The following GXYLT2 variants were observed in gnomAD, a reference collection of about 807,000 sequenced individuals.
GXYLT2 encodes the protein glycosyltransferase 8 domain containing 4.
In GXYLT2, 53 loss-of-function variants were observed where a neutral mutation model predicts 45.8. The ratio of observed to expected loss-of-function variants is 1.16; its 90% CI spans 0.93 to 1.46. The LOEUF (loss-of-function observed/expected upper bound fraction) is 1.46. Among genes scored for constraint, GXYLT2 ranks in the 40% most tolerant of loss-of-function variants. The pLI, the probability that GXYLT2 is intolerant of heterozygous loss-of-function variation, is 0.00. For missense variants in GXYLT2, 551 were observed against 544.4 expected (o/e 1.01, Z -0.12); for synonymous variants, 219 against 214.2 (o/e 1.02, Z -0.19).
intron 3 of GXYLT2, among the ~76,000 whole-genome samples, chr3:72,935,689 A>G (rs1259576027): frequency 6.6e-6 from 1 of 152,264 alleles, no homozygotes; most frequent in Non-Finnish European, 1.5e-5. Flanking sequence ...CAAAGTGCCA[A>G]AATATTGGAG....
intron 5 of GXYLT2, among the ~76,000 whole-genome samples, chr3:72,960,745 C>A (rs200069987): frequency 6.8e-6 from 1 of 146,990 alleles, no homozygotes; most frequent in Non-Finnish European, 1.5e-5. Flanking sequence ...TGTAAGGTTT[C>A]TCTTCATGTA....
intron 2 of GXYLT2, among the ~76,000 whole-genome samples, chr3:72,914,403 C>CTACT (rs1259408449): frequency 6.6e-6 from 1 of 152,050 alleles, no homozygotes; most frequent in Non-Finnish European, 1.5e-5. Flanking sequence ...CTAAACTGTG[C>CTACT]TACTGCCCAA....
At chr3:72,966,987 T>G (rs1251942844) in intron 5 of GXYLT2, among the ~76,000 whole-genome samples, 2 of 152,164 alleles carry the variant, frequency 1.3e-5, no homozygotes, top group African/African-American at 4.8e-5. Context: ...CAAGCTGTTC[T>G]CAAACTCCTG....
chr3:72,936,673 A>G (rs1710188388), intron 3 of GXYLT2, among the ~76,000 whole-genome samples: 1 of 152,178 alleles, frequency 6.6e-6, no homozygotes, highest in Non-Finnish European at 1.5e-5. Flanking sequence ...CAACAAAAAA[A>G]AACCGAAACA....
chr3:72,973,209 G>T (rs1472627237), intron 6 of GXYLT2, among the ~76,000 whole-genome samples: 1 of 152,196 alleles, frequency 6.6e-6, no homozygotes, highest in Non-Finnish European at 1.5e-5. Context: ...TCTACCAGCT[G>T]GGGGAGGGGC....
At chr3:72,938,554 T>C (rs1337722670) in intron 3 of GXYLT2, among the ~76,000 whole-genome samples, 2 of 152,252 alleles carry the variant, frequency 1.3e-5, no homozygotes, top group Non-Finnish European at 2.9e-5. Flanking sequence ...TAGACTCTGC[T>C]TTAAATGACA....
intron 3 of GXYLT2, among the ~76,000 whole-genome samples, chr3:72,926,608 T>C (rs1245629449): frequency 6.6e-6 from 1 of 152,164 alleles, no homozygotes; most frequent in Non-Finnish European, 1.5e-5. Context: ...ACATCACCTT[T>C]CCCCCAATTA....
intron 3 of GXYLT2, among the ~76,000 whole-genome samples, chr3:72,949,460 C>T (rs1443597345): frequency 6.7e-6 from 1 of 150,222 alleles, no homozygotes; most frequent in African/African-American, 2.5e-5. Flanking sequence ...CCCATTAAAG[C>T]TCCTGTGAAC....
chr3:72,937,933 C>A (rs1025342641), intron 3 of GXYLT2, among the ~76,000 whole-genome samples: 2 of 151,952 alleles, frequency 1.3e-5, no homozygotes, highest in African/African-American at 4.8e-5. Context: ...TTTCGCTTTT[C>A]TCAGGAGCAT....
At position 72,901,653 on chromosome 3, in the gene GXYLT2, T is replaced by A. The variant is rs1195610181; in HGVS notation, c.276-6714T>A. ...TCAGCTCACTGCAAGCTCCGCCTCC[T>A]GGGTTCAAGCAATTCTCCTGCCTCA... is the stretch of plus-strand genomic sequence containing the variant. On this transcript the variant is annotated intron_variant, in intron 1 of 6. Transcript: ENST00000389617. Among the ~76,000 whole-genome samples, 3 of 136,540 alleles carry A rather than the reference T, an allele frequency of 2.2e-5. No homozygotes were observed. The East Asian group carries it at 7.4e-4, about 34-fold the overall frequency. The allele number at this position is 136,540 out of a possible 152,430, so 89.6% of individuals were successfully genotyped here.
intron 1 of GXYLT2, among the ~76,000 whole-genome samples, chr3:72,897,492 A>G (rs991810333): frequency 6.6e-6 from 1 of 152,200 alleles, no homozygotes; most frequent in Non-Finnish European, 1.5e-5. Flanking sequence ...CCAATCACCG[A>G]TGGCTACAAG....
intron 1 of GXYLT2, among the ~76,000 whole-genome samples, chr3:72,891,433 C>T (rs753042595): frequency 1.3e-5 from 2 of 152,164 alleles, no homozygotes; most frequent in Admixed American, 1.3e-4. Flanking sequence ...GGATTTGCCT[C>T]GTTAGTAGGC....
At chr3:72,902,219 C>A (rs577463683) in intron 1 of GXYLT2, among the ~76,000 whole-genome samples, 1 of 152,268 alleles carries the variant, frequency 6.6e-6, no homozygotes, top group Non-Finnish European at 1.5e-5. Flanking sequence ...ACTTCTGGGT[C>A]ATATGGTACC....
intron 3 of GXYLT2, among the ~76,000 whole-genome samples, chr3:72,940,685 T>G (rs991639771): frequency 6.6e-6 from 1 of 152,228 alleles, no homozygotes; most frequent in Non-Finnish European, 1.5e-5. Flanking sequence ...GTGTTTTGTT[T>G]GTTTGTTTGT....
At chr3:72,964,034 T>C (rs1710815660) in intron 5 of GXYLT2, among the ~76,000 whole-genome samples, 1 of 152,134 alleles carries the variant, frequency 6.6e-6, no homozygotes, top group Non-Finnish European at 1.5e-5. Flanking sequence ...GGTCTCAAAC[T>C]CCTGAGCTAA....
chr3:72,929,079 A>G, intron 3 of GXYLT2: 1 of 1,589,122 alleles, frequency 6.3e-7, no homozygotes, highest in African/African-American at 1.3e-5. Flanking sequence ...CGCCAGAGCT[A>G]CCACCAGGAC....
intron 3 of GXYLT2, among the ~76,000 whole-genome samples, chr3:72,934,565 A>C (rs1260680742): frequency 1.3e-5 from 2 of 152,164 alleles, no homozygotes; most frequent in African/African-American, 2.4e-5. Context: ...ATGTCTGGAG[A>C]TGGCAATGAA....
At chr3:72,954,925 C>T (rs1710605160) in intron 3 of GXYLT2, among the ~76,000 whole-genome samples, 173 bp from the exon 4 acceptor site, 1 of 152,154 alleles carries the variant, frequency 6.6e-6, no homozygotes, top group South Asian at 2.1e-4. Flanking sequence ...TTCCTCAAGT[C>T]AAAGGAGAAG....
intron 1 of GXYLT2, among the ~76,000 whole-genome samples, chr3:72,900,173 G>A (rs986058179): frequency 5.3e-5 from 8 of 152,148 alleles, no homozygotes; most frequent in Non-Finnish European, 1.2e-4. Flanking sequence ...CATAAATGCC[G>A]TATTTCATTA....
Sources: gnomAD v4.1 joint callset for allele counts (sites outside exome capture counted in the v4.1 genomes callset) on GRCh38, gnomAD v4.1.1 for gene constraint, MANE v1.5 for transcripts, NCBI Gene and HGNC (gene_info 2026-07-23, HGNC 2026-07-21) for gene names.